AOX1: variants seen among roughly 807,000 people sequenced by gnomAD.
AOX1 encodes the protein aldehyde oxidase 1.
In AOX1, 153 loss-of-function variants were observed where a neutral mutation model predicts 169.5. The ratio of observed to expected loss-of-function variants is 0.90; its 90% confidence interval spans 0.79 to 1.03. The LOEUF (loss-of-function observed/expected upper bound fraction) is 1.03, where lower values mean the gene tolerates loss of function less well. Among genes scored for constraint, AOX1 ranks in the 50% least tolerant of loss-of-function variants. AOX1 has a pLI of 0.00. For missense variants in AOX1, 1,656 were observed against 1,663.9 expected (o/e 1.00, Z 0.08); for synonymous variants, 562 against 581.9 (o/e 0.97, Z 0.49).
At chr2:200,588,726 C>CTTTTTTTTTTTTTTTTTG (rs2034097349) in intron 1 of AOX1, among the ~76,000 whole-genome samples, 1 of 53,986 alleles carries the variant, frequency 1.9e-5, no homozygotes, top group Non-Finnish European at 3.9e-5. Context: ...CTAGAATAAG[C>CTTTTTTTTTTTTTTTTTG]TTTTTTTTTT....
downstream of AOX1, among the ~76,000 whole-genome samples, chr2:200,680,022 T>G (rs977421607): frequency 6.6e-6 from 1 of 152,090 alleles, no homozygotes; most frequent in Admixed American, 6.6e-5. Context: ...GAGGCTGCAG[T>G]GAGCTATGAT....
At chr2:200,654,938 T>A (rs2035652674) in intron 26 of AOX1, among the ~76,000 whole-genome samples, 1 of 152,188 alleles carries the variant, frequency 6.6e-6, no homozygotes. Flanking sequence ...AACAAATGGC[T>A]GAGTGATATC....
chr2:200,609,446 A>G, intron 12 of AOX1, 32 bp downstream of exon 12: 1 of 1,584,760 alleles, frequency 6.3e-7, no homozygotes, highest in Non-Finnish European at 8.7e-7. Flanking sequence ...GAGATTATTA[A>G]GCTGTTTCTC....
At chr2:200,608,943 C>G in intron 10 of AOX1, 41 bp from the exon 11 acceptor site, 1 of 1,582,002 alleles carries the variant, frequency 6.3e-7, no homozygotes, top group Non-Finnish European at 8.6e-7. Flanking sequence ...TTCAGATCAG[C>G]AGTGATCGCA....
intron 16 of AOX1, among the ~76,000 whole-genome samples, chr2:200,617,548 A>C (rs566510443): frequency 1.3e-5 from 2 of 151,004 alleles, no homozygotes; most frequent in African/African-American, 4.9e-5. Flanking sequence ...ATTTTTTGGA[A>C]TTTTTCCTCA....
chr2:200,676,576 G>A (rs928641021), intron 4 of AOX1, among the ~76,000 whole-genome samples: 2 of 149,536 alleles, frequency 1.3e-5, no homozygotes, highest in South Asian at 4.3e-4. Context: ...CTCCAGCCTG[G>A]GTGACAGAGT....
chr2:200,624,586 C>T (rs1028971392), intron 19 of AOX1, among the ~76,000 whole-genome samples: 1 of 152,176 alleles, frequency 6.6e-6, no homozygotes, highest in African/African-American at 2.4e-5. Context: ...TGAGGACCAA[C>T]AGGATGTTCC....
chr2:200,634,753 G>C, intron 20 of AOX1, 38 bp from the exon 21 acceptor site: 1 of 1,611,862 alleles, frequency 6.2e-7, no homozygotes, highest in Non-Finnish European at 8.5e-7. Context: ...TGTTGCTTCT[G>C]ACTGCTTCCT....
chr2:200,627,328 C>G, intron 19 of AOX1, 25 bp from the exon 20 acceptor site: 1 of 1,562,126 alleles, frequency 6.4e-7, no homozygotes, highest in African/African-American at 1.4e-5. Flanking sequence ...GCCCAAGCTG[C>G]CTCATTCCTC....
rs1200236857 is a variant in AOX1 at position 200,640,224 on chromosome 2, G to A, written c.2569-874G>A. On this transcript the variant is annotated intron_variant, in intron 23 of 34. Coordinates refer to ENST00000374700, the MANE Select transcript of AOX1 (RefSeq NM_001159.4). ...TAAAAAATAGGATTGATGGGTTTAG[G>A]TGATGCCTGACTGAGAGGGGCCTAC... 2.0e-5 allele frequency among the ~76,000 whole-genome samples: 3 copies of A among 152,098 alleles called. No homozygotes were observed. In the South Asian group the frequency reaches 6.2e-4, roughly 32 times the overall value.
chr2:200,642,938 A>C (rs185384086), intron 25 of AOX1, 137 bp downstream of exon 25: 288 of 822,174 alleles, frequency 3.5e-4, no homozygotes, highest in Non-Finnish European at 7.5e-5. Flanking sequence ...TAACTGGTTA[A>C]TGCGGAGCCC....
At chr2:200,590,213 AG>A (rs755242073) in intron 1 of AOX1, among the ~76,000 whole-genome samples, 10 of 151,916 alleles carry the variant, frequency 6.6e-5, no homozygotes, top group Non-Finnish European at 1.5e-4. Flanking sequence ...TGGATCTGGC[AG>A]GGCCTCCTCA....
In AOX1 at chr2:200,612,781, A is replaced by C; in HGVS notation, c.1436A>C (p.Lys479Thr). 6.2e-7 allele frequency: 1 copy of C among 1,613,704 alleles called. No homozygotes were observed. The highest frequency in any genetic ancestry group is 8.5e-7 in the Non-Finnish European group (1 of 1,179,798). The change falls in exon 14 of 35, where the codon AAA becomes ACA. Residue 479 changes from lysine to threonine, a missense_variant. Lys to Thr is a moderately conservative substitution (Grantham distance 78). Coordinates refer to ENST00000374700, the MANE Select transcript of AOX1 (RefSeq NM_001159.4). ...ATICAKNSCQ[K>T]LIGRHWNEQM... The stretch of plus-strand genomic sequence containing the variant: ...ATCTGTGCCAAGAATTCCTGCCAGA[A>C]ACTCATTGGAAGGTAAGGCATTAGA...
intron 31 of AOX1, among the ~76,000 whole-genome samples, chr2:200,664,428 A>G (rs892661257): frequency 3.9e-5 from 6 of 152,222 alleles, no homozygotes; most frequent in East Asian, 1.9e-4. Flanking sequence ...CCCTGCCCAT[A>G]TAACTGATTT....
intron 29 of AOX1, 112 bp from the exon 30 acceptor site, chr2:200,661,467 T>C (rs2035827611): frequency 1.2e-6 from 1 of 830,986 alleles, no homozygotes; most frequent in African/African-American, 1.7e-5. Context: ...TCCTTCCTGG[T>C]TACTATTGCT....
At chr2:200,589,565 AC>A (rs2034126986) in intron 1 of AOX1, among the ~76,000 whole-genome samples, 1 of 152,138 alleles carries the variant, frequency 6.6e-6, no homozygotes, top group African/African-American at 2.4e-5. Context: ...TAATAACAGA[AC>A]CTTTTCCCTT....
chr2:200,655,626 T>C (rs1170716202), intron 26 of AOX1, among the ~76,000 whole-genome samples: 1 of 152,148 alleles, frequency 6.6e-6, no homozygotes, highest in Admixed American at 6.5e-5. Flanking sequence ...ACATCCCTAG[T>C]TTACACCTGC....
At chr2:200,588,425 C>T (rs1197448853) in intron 1 of AOX1, among the ~76,000 whole-genome samples, 1 of 152,136 alleles carries the variant, frequency 6.6e-6, no homozygotes, top group Admixed American at 6.6e-5. Context: ...TTCTCCTTCC[C>T]CCACTTCCAA....
chr2:200,621,189 T>G lies in AOX1; in HGVS notation c.1944T>G (p.Ser648Arg), dbSNP rs2034880208. The G allele has an allele frequency of 6.2e-7, 1 of 1,614,050 alleles. No homozygotes were observed. ...VVDIMTAEHL[S>R]DVNSFCFFTE... Reference sequence around the variant, plus strand: ...ACATCATGACAGCAGAACATCTTAGTGACGTCAACTCCTTCTGCTTTTTTA... The same window carrying G: ...ACATCATGACAGCAGAACATCTTAGGGACGTCAACTCCTTCTGCTTTTTTA... The change falls in exon 18 of 35, where the codon AGT becomes AGG. Residue 648 changes from serine to arginine, a missense_variant. Physicochemically the swap from Ser to Arg is moderately radical, Grantham distance 110. Transcript: ENST00000374700.
Sources: gnomAD v4.1 joint callset for allele counts (sites outside exome capture counted in the v4.1 genomes callset) on GRCh38, gnomAD v4.1.1 for gene constraint, MANE v1.5 for transcripts, NCBI Gene and HGNC (gene_info 2026-07-23, HGNC 2026-07-21) for gene names.